The following MYO1F variants were observed in gnomAD, a reference collection of about 807,000 sequenced individuals.
The protein encoded by MYO1F is myosin IF.
In MYO1F, 60 loss-of-function variants were observed where a neutral mutation model predicts 146.6. The ratio of observed to expected loss-of-function variants is 0.41; its 90% CI spans 0.33 to 0.51. The LOEUF is 0.51. Ranked by LOEUF, MYO1F falls within the 20% of genes least tolerant of loss-of-function variation. The pLI, the probability that MYO1F is intolerant of heterozygous loss-of-function variation, is 0.25. For missense variants in MYO1F, 1,274 were observed against 1,534.3 expected (o/e 0.83, Z 2.83); for synonymous variants, 602 against 602.1 (o/e 1.00, Z 0.00).
At chr19:8,528,086 G>A (rs1972341141) in intron 21 of MYO1F, among the ~76,000 whole-genome samples, 1 of 152,136 alleles carries the variant, frequency 6.6e-6, no homozygotes, top group African/African-American at 2.4e-5. Flanking sequence ...GCTGGGCGAG[G>A]TGGTGGGCAC....
intron 19 of MYO1F, among the ~76,000 whole-genome samples, chr19:8,534,229 A>T (rs1488374742): frequency 2.6e-5 from 4 of 151,984 alleles, no homozygotes; most frequent in Non-Finnish European, 5.9e-5. Context: ...TGGTTGAGAA[A>T]GGCTCCAACT....
chr19:8,522,084 G>C (rs867988317), intron 27 of MYO1F, among the ~76,000 whole-genome samples: 2 of 149,540 alleles, frequency 1.3e-5, no homozygotes, highest in Non-Finnish European at 3.0e-5. Context: ...GTGTGTTGGC[G>C]CAATCTCGGC....
intron 15 of MYO1F, 117 bp downstream of exon 15, chr19:8,541,789 A>G (rs1327166983): frequency 8.5e-6 from 8 of 942,696 alleles, no homozygotes; most frequent in Non-Finnish European, 8.6e-6. Flanking sequence ...CCGCACAGCC[A>G]CTCCCCTCGA....
chr19:8,552,951 A>T (rs1404643511), intron 6 of MYO1F, among the ~76,000 whole-genome samples, 188 bp downstream of exon 6: 1 of 152,174 alleles, frequency 6.6e-6, no homozygotes. Flanking sequence ...CAGTTCTGCC[A>T]ATGGGGGACT....
chr19:8,555,310 CAGTGAGCTGAGATTGTGCCACTACACT>C, intron 2 of MYO1F: 1 of 260,732 alleles, frequency 3.8e-6, no homozygotes, highest in South Asian at 3.9e-5. Flanking sequence ...GTGGAGGTTG[CAGTGAGCTGAGATTGTGCCACTACACT>C]CCAGCCTGGA....
chr19:8,550,404 T>A, intron 9 of MYO1F, 48 bp from the exon 10 acceptor site: 1 of 1,589,428 alleles, frequency 6.3e-7, no homozygotes, highest in Non-Finnish European at 8.6e-7. Flanking sequence ...GGTTGGGCTC[T>A]TGTGCCTCCT....
chr19:8,530,711 C>T lies in MYO1F; in HGVS notation c.2044-138G>A. 7.1e-6 allele frequency: 5 copies of T among 700,354 alleles called. No individual in the cohort carries two copies. The highest frequency in any genetic ancestry group is 1.6e-5 in the South Asian group (1 of 63,836). 43.4% of individuals were successfully genotyped at this position (700,354 alleles called of 1,614,324 possible). A position where few individuals can be genotyped will look rare whatever the true frequency, so the allele number is the denominator to read the frequency against. On this transcript the variant is annotated intron_variant, in intron 19 of 27. Transcript: ENST00000644032. The surrounding 1 kb of genome is among the most constrained non-coding windows in gnomAD (Gnocchi z 5.8). The stretch of plus-strand genomic sequence containing the variant: ...CACATGTGCTAATTTTTTTAAGAGG[C>T]GGGGTCTTTCTAGTGACACTCGTTC...
chr19:8,555,615 C>T (rs768964319), intron 2 of MYO1F, 44 bp downstream of exon 2: 1 of 1,613,362 alleles, frequency 6.2e-7, no homozygotes, highest in Non-Finnish European at 8.5e-7. Context: ...CCCAGCCATT[C>T]ATTCCTTCCC....
In MYO1F at chr19:8,577,417, C is replaced by G. The variant is rs188048315; in HGVS notation, c.-108G>C. On this transcript the variant is annotated 5_prime_UTR_variant, in exon 1 of 28. Transcript: ENST00000644032. This position sits in a 1 kb window ranked among gnomAD's most constrained non-coding sequence, Gnocchi z 4.3. ...GCTTGGGCATGGCCCTGCTTCTGCC[C>G]GTTCACCGGACTCCCGGCTTTAGTT... 1.9e-5 allele frequency: 24 copies of G among 1,276,046 alleles called. No individual in the cohort carries two copies. Among genetic ancestry groups the G allele is most frequent in the South Asian group, 3.6e-5 (3 of 82,270 alleles). The allele number at this position is 1,276,046 out of a possible 1,614,324, so 79.0% of individuals were successfully genotyped here. A position where few individuals can be genotyped will look rare whatever the true frequency, so the allele number is the denominator to read the frequency against.
chr19:8,530,471 T>G lies in MYO1F; in HGVS notation c.2146A>C (p.Met716Leu), dbSNP rs758367195. The G allele has an allele frequency of 6.2e-7, 1 of 1,613,762 alleles. No homozygotes were observed. Among genetic ancestry groups the G allele is most frequent in the South Asian group, 1.1e-5 (1 of 91,084 alleles). Residue 716 changes from methionine (M) to leucine (L), a missense_variant, in exon 20 of 28, where the codon ATG (methionine) becomes CTG (leucine). Transcript: ENST00000644032. The surrounding 1 kb of genome is among the most constrained non-coding windows in gnomAD (Gnocchi z 5.8). ...RHVAVRKYEE[M>L]REEASNILLN... ...CGAAGCCTCTCACCTTCCTCCCGCA[T>G]CTCCTCGTACTTCCGGACAGCCACG...
At chr19:8,552,583 A>G (rs1973659851) in intron 6 of MYO1F, among the ~76,000 whole-genome samples, 2 of 152,058 alleles carry the variant, frequency 1.3e-5, no homozygotes, top group South Asian at 4.1e-4. Flanking sequence ...TATGGAATTT[A>G]TTAAACCATG....
intron 1 of MYO1F, among the ~76,000 whole-genome samples, chr19:8,559,947 T>C (rs1265194308): frequency 2.1e-5 from 2 of 94,810 alleles, no homozygotes; most frequent in African/African-American, 7.5e-5. Context: ...CAAAACTCCA[T>C]CTCAGAAAAA....
intron 1 of MYO1F, among the ~76,000 whole-genome samples, chr19:8,573,512 C>G (rs1256819102): frequency 2.6e-5 from 4 of 152,056 alleles, no homozygotes; most frequent in African/African-American, 9.7e-5. Flanking sequence ...TACATTCTCC[C>G]ACGATCACCA....
chr19:8,559,864 C>G lies in MYO1F; in HGVS notation c.4-4068G>C, dbSNP rs1055821102. Among the ~76,000 whole-genome samples, 3 of 149,310 alleles carry G rather than the reference C, an allele frequency of 2.0e-5. No individual in the cohort carries two copies. The East Asian group carries it at 6.0e-4, about 30-fold the overall frequency. On this transcript the variant is annotated intron_variant, in intron 1 of 27. Coordinates refer to ENST00000644032, the MANE Select transcript of MYO1F (RefSeq NM_012335.4). ...ACTCGGGAGGCTGAGGCAGGAGAAT[C>G]GCTAGAACCCAGGAGGCGGAGGTTG... is the stretch of plus-strand genomic sequence containing the variant.
chr19:8,557,379 C>T (rs960318436), intron 1 of MYO1F, among the ~76,000 whole-genome samples: 1 of 152,166 alleles, frequency 6.6e-6, no homozygotes, highest in Non-Finnish European at 1.5e-5. Flanking sequence ...TCCATGCAGC[C>T]TCAACCTCCT....
At chr19:8,524,213 G>A (rs1972174056) in intron 25 of MYO1F, among the ~76,000 whole-genome samples, 1 of 151,418 alleles carries the variant, frequency 6.6e-6, no homozygotes, top group South Asian at 2.1e-4. Flanking sequence ...GAGGTCAGGA[G>A]TTCCAGACCA....
chr19:8,543,717 GTGGTGGTGCTGGTGGTGCTGGTGGTGC>G (rs1568348595), intron 14 of MYO1F, among the ~76,000 whole-genome samples: 1 of 20,938 alleles, frequency 4.8e-5, no homozygotes, highest in African/African-American at 2.0e-4. Context: ...GCTGGTGGTG[GTGGTGGTGCTGGTGGTGCTGGTGGTGC>G]TGGTGGTGGT....
chr19:8,536,465 G>C (rs1972719259), intron 18 of MYO1F, 34 bp downstream of exon 18: 3 of 1,610,958 alleles, frequency 1.9e-6, no homozygotes, highest in Middle Eastern at 1.7e-4. Flanking sequence ...TCTGATGAAG[G>C]GGATGGCGAG....
At chr19:8,539,023 C>T (rs886671174) in intron 16 of MYO1F, among the ~76,000 whole-genome samples, 43 of 152,142 alleles carry the variant, frequency 2.8e-4, no homozygotes, top group Admixed American at 2.3e-3. Flanking sequence ...CAGTGGCTCA[C>T]GCCTGTAATC....
Sources: gnomAD v4.1 joint callset for allele counts (sites outside exome capture counted in the v4.1 genomes callset) on GRCh38, gnomAD v4.1.1 for gene constraint, Gnocchi (gnomAD v3.1) non-coding constraint, MANE v1.5 for transcripts, NCBI Gene and HGNC (gene_info 2026-07-23, HGNC 2026-07-21) for gene names.